Variants in ZNF587B observed in about 807,000 individuals in gnomAD.
ZNF587B encodes the protein zinc finger protein 587B.
A neutral mutation model predicts 7.2 loss-of-function variants in ZNF587B; 6 were observed. The observed-to-expected ratio is 0.83, with a 90% CI of 0.46 to 1.65. ZNF587B has a LOEUF of 1.65. ZNF587B is among the 40% of genes most tolerant of loss of function. ZNF587B has a pLI of 0.01. For synonymous variants in ZNF587B, 274 were observed against 254.3 expected (o/e 1.08, Z -0.74); for missense variants, 749 against 761.0 (o/e 0.98, Z 0.19).
chr19:57,840,524 C>G (rs940273022), intron 2 of ZNF587B, among the ~76,000 whole-genome samples: 1 of 152,178 alleles, frequency 6.6e-6, no homozygotes, highest in African/African-American at 2.4e-5. Context: ...ACAAATCCCT[C>G]TCTACAGCAC....
intron 2 of ZNF587B, among the ~76,000 whole-genome samples, chr19:57,840,271 TTATCA>T (rs1988789361): frequency 6.6e-6 from 1 of 151,998 alleles, no homozygotes; most frequent in Admixed American, 6.6e-5. Context: ...CTTGTCTATC[TTATCA>T]TTTCTACTCC....
In ZNF587B at chr19:57,838,838, G is replaced by A. The variant is rs2122230699; in HGVS notation, c.37-185G>A. Among the ~76,000 whole-genome samples the A allele has an allele frequency of 1.3e-5, 2 of 152,166 alleles. 1 individual carries two copies. Among genetic ancestry groups the A allele is most frequent in the East Asian group, 3.9e-4 (2 of 5,190 alleles). ...GGGTGGACTTTATGTCACAGCCACT[G>A]CACAGATACCTATTTGTTCAACTAA... On this transcript the variant is annotated intron_variant, in intron 1 of 2. Transcript: ENST00000594901.
At chr19:57,836,730 G>A (rs776982699) in intron 1 of ZNF587B, among the ~76,000 whole-genome samples, 22 of 152,036 alleles carry the variant, frequency 1.4e-4, no homozygotes, top group Non-Finnish European at 2.4e-4. Context: ...TTAGGAGGCC[G>A]AGATGGGTGG....
At chr19:57,838,462 G>T (rs1988713941) in intron 1 of ZNF587B, among the ~76,000 whole-genome samples, 1 of 151,540 alleles carries the variant, frequency 6.6e-6, no homozygotes, top group Non-Finnish European at 1.5e-5. Flanking sequence ...TTAGCCAGAT[G>T]TGGTGGCGGG....
chr19:57,841,191 A>C lies in ZNF587B; in HGVS notation c.517A>C (p.Ser173Arg). The C allele has an allele frequency of 6.2e-7, 1 of 1,614,200 alleles. No individual in the cohort carries two copies. Among genetic ancestry groups the C allele is most frequent in the Non-Finnish European group, 8.5e-7 (1 of 1,180,044 alleles). Residue 173 changes from serine (S) to arginine (R), a missense_variant, in exon 3 of 3, where the codon AGT becomes CGT. Ser to Arg is a moderately radical substitution (Grantham distance 110). This residue lies in a region of ZNF587B where 656 missense variants were observed against 596.5 expected (regional missense o/e 1.10). Transcript: ENST00000594901. ...TGTGTCAGGGGAGTCATCTGTCTTC[A>C]GTGAGAGTGGGAAGGACTTTTTGCC... The part of the protein sequence containing the change: ...LHVSGESSVF[S>R]ESGKDFLPRS...
Position 57,842,080 on chromosome 19 carries a change from G to T in ZNF587B, c.1406G>T (p.Trp469Leu). The change falls in exon 3 of 3, where the codon TGG becomes TTG. Residue 469 changes from tryptophan to leucine, a missense_variant. By Grantham distance (61) the Trp-to-Leu change is moderately conservative (BLOSUM62 -2). Around this residue, in one of 3 missense-constraint regions of ZNF587B, gnomAD observed 656 missense variants for 596.5 expected, o/e 1.10. Coordinates refer to ENST00000594901, the MANE Select transcript of ZNF587B (RefSeq NM_001376223.1). Reference protein sequence around the residue: ...GHTRKRPYMCWECGKLFKKKS... With the variant: ...GHTRKRPYMCLECGKLFKKKS... ...ACTAGAAAAAGGCCTTATATGTGTTGGGAATGTGGAAAATTATTTAAGAAG... is the reference window on the plus strand; with the variant it reads ...ACTAGAAAAAGGCCTTATATGTGTTTGGAATGTGGAAAATTATTTAAGAAG... 1 of 1,592,706 alleles carries T rather than the reference G, an allele frequency of 6.3e-7. No homozygotes were observed. Among genetic ancestry groups the T allele is most frequent in the Non-Finnish European group, 8.6e-7 (1 of 1,168,934 alleles).
At position 57,842,480 on chromosome 19, in the gene ZNF587B, A is replaced by C. The variant is rs773881904; in HGVS notation, c.1806A>C (p.Gly602=). 1 of 1,594,128 alleles carries C rather than the reference A, an allele frequency of 6.3e-7. No homozygotes were observed. The highest frequency in any genetic ancestry group is 8.5e-7 in the Non-Finnish European group (1 of 1,173,172). Residue 602 remains glycine, a synonymous_variant, in exon 3 of 3, where the codon GGA becomes GGC. Transcript: ENST00000594901. ...SLTNHRRVHT[G]EKPYGCSECE... ...CTAATCACAGGAGAGTTCACACTGG[A>C]GAAAAGCCTTATGGGTGTAGTGAAT...
At chr19:57,832,331 C>T (rs1988446318) in intron 1 of ZNF587B, among the ~76,000 whole-genome samples, 2 of 152,274 alleles carry the variant, frequency 1.3e-5, no homozygotes, top group East Asian at 1.9e-4. Context: ...GTGATCCGCC[C>T]GCCTTGGCCT....
At position 57,841,266 on chromosome 19, in the gene ZNF587B, A is replaced by G. The variant is rs1243751498; in HGVS notation, c.592A>G (p.Asn198Asp). Residue 198 changes from asparagine (N) to aspartate (D), a missense_variant, in exon 3 of 3, where the codon AAC (asparagine) becomes GAC (aspartate). By Grantham distance (23) the Asn-to-Asp change is conservative (BLOSUM62 1). This residue lies in a region of ZNF587B where 656 missense variants were observed against 596.5 expected (regional missense o/e 1.10). Coordinates refer to ENST00000594901, the MANE Select transcript of ZNF587B (RefSeq NM_001376223.1). ...GGCCAGTCACACTGGGGAGAAGTCA[A>G]ACAGCAAAACTGAGTGTGTGTCTCC... ...QEASHTGEKS[N>D]SKTECVSPFQ... 3 of 1,614,178 alleles carry G rather than the reference A, an allele frequency of 1.9e-6. No individual in the cohort carries two copies. The highest frequency in any genetic ancestry group is 2.2e-5 in the East Asian group (1 of 44,884).
Position 57,843,542 on chromosome 19 carries a change from A to ATTTT in ZNF587B, c.*973_*976dup. 2.2e-6 allele frequency: 2 copies of ATTTT among 907,512 alleles called. No individual in the cohort carries two copies. Among genetic ancestry groups the ATTTT allele is most frequent in the African/African-American group, 2.4e-5 (1 of 41,406 alleles). 56.2% of individuals were successfully genotyped at this position (907,512 alleles called of 1,614,324 possible). On this transcript the variant is annotated 3_prime_UTR_variant, in exon 3 of 3. Coordinates refer to ENST00000594901, the MANE Select transcript of ZNF587B (RefSeq NM_001376223.1). Reference sequence around the variant, plus strand: ...TTTGGTTGTCTCCCATTCACGAGAGATTTTTTTTTTAAGTTTTTTGTTTGG... The same window carrying ATTTT: ...TTTGGTTGTCTCCCATTCACGAGAGATTTTTTTTTTTTTTAAGTTTTTTGTTTGG...
In ZNF587B at chr19:57,841,904, C is replaced by A; in HGVS notation, c.1230C>A (p.Tyr410Ter). 4 of 1,613,698 alleles carry A rather than the reference C, an allele frequency of 2.5e-6. No homozygotes were observed. Among genetic ancestry groups the A allele is most frequent in the Non-Finnish European group, 3.4e-6 (4 of 1,179,906 alleles). The change falls in exon 3 of 3, where the codon TAC becomes TAA. Residue 410 changes from tyrosine (Y) to a stop codon, truncating the protein, a stop_gained. Transcript: ENST00000594901. LOFTEE classifies it low-confidence loss of function (END_TRUNC). ...GCATGCACACTGGAGAAAGACCTTACAAGTGTGGAGACTGTGGGAAATCTT... is the reference window on the plus strand; with the variant it reads ...GCATGCACACTGGAGAAAGACCTTAAAAGTGTGGAGACTGTGGGAAATCTT... ...HQRMHTGERPYKCGDCGKSFN... is the reference protein window; with the variant it reads ...HQRMHTGERP
intron 2 of ZNF587B, among the ~76,000 whole-genome samples, 165 bp from the exon 3 acceptor site, chr19:57,840,673 T>C (rs529251387): frequency 5.8e-4 from 88 of 152,324 alleles, no homozygotes; most frequent in Admixed American, 1.0e-3. Flanking sequence ...GTGACCGTTA[T>C]AGTCCAGTAA....
intron 1 of ZNF587B, among the ~76,000 whole-genome samples, chr19:57,834,390 A>G (rs1348950019): frequency 3.9e-5 from 3 of 77,722 alleles, no homozygotes; most frequent in African/African-American, 1.4e-4. Flanking sequence ...CTGCTGGGGG[A>G]TGGGGAGGAG....
Position 57,841,197 on chromosome 19 carries a change from A to C in ZNF587B, c.523A>C (p.Ser175Arg), listed in dbSNP as rs1447369610. 1.2e-6 allele frequency: 2 copies of C among 1,614,026 alleles called. No homozygotes were observed. The highest frequency in any genetic ancestry group is 2.7e-5 in the African/African-American group (2 of 74,924). Residue 175 changes from serine to arginine, a missense_variant, in exon 3 of 3, where the codon AGT (serine) becomes CGT (arginine). Physicochemically the swap from Ser to Arg is moderately radical, Grantham distance 110. This residue lies in a region of ZNF587B where 656 missense variants were observed against 596.5 expected (regional missense o/e 1.10). Coordinates refer to ENST00000594901, the MANE Select transcript of ZNF587B (RefSeq NM_001376223.1). ...AGGGGAGTCATCTGTCTTCAGTGAGAGTGGGAAGGACTTTTTGCCCAGGTC... is the reference window on the plus strand; with the variant it reads ...AGGGGAGTCATCTGTCTTCAGTGAGCGTGGGAAGGACTTTTTGCCCAGGTC... ...VSGESSVFSE[S>R]GKDFLPRSGL...
chr19:57,839,675 C>G (rs1485535848), intron 2 of ZNF587B, among the ~76,000 whole-genome samples: 1 of 151,972 alleles, frequency 6.6e-6, no homozygotes, highest in Admixed American at 6.6e-5. Flanking sequence ...TCATTCATGT[C>G]CCATGTATTT....
At chr19:57,838,077 G>T (rs1351808296) in intron 1 of ZNF587B, among the ~76,000 whole-genome samples, 1 of 151,996 alleles carries the variant, frequency 6.6e-6, no homozygotes, top group Non-Finnish European at 1.5e-5. Context: ...GGGAAGCTGA[G>T]GTGGGTGGAT....
intron 1 of ZNF587B, 28 bp downstream of exon 1, chr19:57,830,592 G>A: frequency 6.5e-7 from 1 of 1,549,422 alleles, no homozygotes; most frequent in Non-Finnish European, 8.7e-7. Flanking sequence ...CATGCCCTCA[G>A]GTCACCTCAT....
At chr19:57,838,949 A>G (rs1988735926) in intron 1 of ZNF587B, 74 bp from the exon 2 acceptor site, 2 of 1,518,006 alleles carry the variant, frequency 1.3e-6, no homozygotes, top group African/African-American at 2.8e-5. Context: ...GCGAGAGTAG[A>G]TGTGTGGGAG....
At position 57,830,482 on chromosome 19, in the gene ZNF587B, G is replaced by A. The variant is rs932160347; in HGVS notation, c.-47G>A. The A allele has an allele frequency of 6.5e-7, 1 of 1,547,082 alleles. No homozygotes were observed. Among genetic ancestry groups the A allele is most frequent in the African/African-American group, 1.4e-5 (1 of 73,022 alleles). The stretch of plus-strand genomic sequence containing the variant: ...AGGGACCGTCATGCCCATATCTCCT[G>A]GCTGGTCACCCTCTCCTCCCAACCC... On this transcript the variant is annotated 5_prime_UTR_variant, in exon 1 of 3. Coordinates refer to ENST00000594901, the MANE Select transcript of ZNF587B (RefSeq NM_001376223.1).
Sources: allele counts gnomAD v4.1 joint callset (sites outside exome capture counted in the v4.1 genomes callset), GRCh38; gene constraint gnomAD v4.1.1; regional missense constraint gnomAD v4.1.1; transcripts MANE v1.5; gene names NCBI Gene and HGNC (gene_info 2026-07-23, HGNC 2026-07-21).